ZSWIM5: variants seen among roughly 807,000 people sequenced by gnomAD.
ZSWIM5 encodes zinc finger SWIM-type containing 5.
ZSWIM5 carries 55 observed loss-of-function variants against 119.6 expected under a neutral mutation model. The ratio of observed to expected loss-of-function variants is 0.46; its 90% CI spans 0.37 to 0.58. The LOEUF (loss-of-function observed/expected upper bound fraction) is 0.58. ZSWIM5 is among the 20% of genes least tolerant of loss of function. The pLI, the probability that ZSWIM5 is intolerant of heterozygous loss-of-function variation, is 0.00. For missense variants in ZSWIM5, 1,193 were observed against 1,512.8 expected (o/e 0.79, Z 3.51); for synonymous variants, 537 against 606.9 (o/e 0.88, Z 1.69).
rs889418087 is a variant in ZSWIM5 at position 45,195,873 on chromosome 1, C to CT, written c.595+9882dup. On this transcript the variant is annotated intron_variant, in intron 1 of 13. Coordinates refer to ENST00000359600, the MANE Select transcript of ZSWIM5 (RefSeq NM_020883.2). ...AATAAAGGTGTTAATTTTTCTTTTTCTTTTTTTTTTTTTTAGACAGGTCTC... is the reference window on the plus strand; with the variant it reads ...AATAAAGGTGTTAATTTTTCTTTTTCTTTTTTTTTTTTTTTAGACAGGTCTC... 5.2e-3 allele frequency among the ~76,000 whole-genome samples: 727 copies of CT among 138,534 alleles called. 2 individuals are homozygous for CT. The highest frequency in any genetic ancestry group is 6.8e-3 in the Admixed American group (94 of 13,864). The allele number at this position is 138,534 out of a possible 152,430, so 90.9% of individuals were successfully genotyped here.
rs571806500 is a variant in ZSWIM5, at chr1:45,173,021, C to T, written c.595+32735G>A. Among the ~76,000 whole-genome samples the T allele has an allele frequency of 1.2e-4, 18 of 151,980 alleles. No homozygotes were observed. In the South Asian group the frequency reaches 1.5e-3, roughly 12 times the overall value. On this transcript the variant is annotated intron_variant, in intron 1 of 13. Transcript: ENST00000359600. Reference sequence around the variant, plus strand: ...TCTACAAAAAATAAAAAAAATTAGCCGGGCATGGTGGTGTGTGCCTGTGGT... The same window carrying T: ...TCTACAAAAAATAAAAAAAATTAGCTGGGCATGGTGGTGTGTGCCTGTGGT...
At chr1:45,021,413 C>A (rs1644887246) in intron 11 of ZSWIM5, among the ~76,000 whole-genome samples, 1 of 152,188 alleles carries the variant, frequency 6.6e-6, no homozygotes, top group Non-Finnish European at 1.5e-5. Flanking sequence ...CTGTCTGCTT[C>A]TCACTACAGC....
chr1:45,160,822 ATT>A (rs36092606), intron 1 of ZSWIM5, among the ~76,000 whole-genome samples: 15 of 126,960 alleles, frequency 1.2e-4, no homozygotes, highest in Admixed American at 2.5e-4. Context: ...TGCCTGGGTA[ATT>A]TTTTTTTTTT....
At chr1:45,041,578 C>T (rs1161318967) in intron 6 of ZSWIM5, among the ~76,000 whole-genome samples, 1 of 148,324 alleles carries the variant, frequency 6.7e-6, no homozygotes, top group Non-Finnish European at 1.5e-5. Context: ...ACTCTGTCAC[C>T]CAGACTGGAG....
intron 2 of ZSWIM5, among the ~76,000 whole-genome samples, chr1:45,061,433 C>T (rs1041681515): frequency 6.6e-6 from 1 of 150,622 alleles, no homozygotes; most frequent in Non-Finnish European, 1.5e-5. Context: ...TGCAGTGGCA[C>T]GATCTCGGCT....
intron 1 of ZSWIM5, among the ~76,000 whole-genome samples, chr1:45,162,368 C>T (rs993296149): frequency 2.6e-5 from 4 of 152,068 alleles, no homozygotes; most frequent in East Asian, 1.9e-4. Context: ...CCAAGATGGC[C>T]GAATAGGAAC....
In ZSWIM5 at chr1:45,197,057, C is replaced by T. The variant is rs186229331; in HGVS notation, c.595+8699G>A. The stretch of plus-strand genomic sequence containing the variant: ...GCCCAAAACAACCAATAGGCTGTGG[C>T]TTGCATCAACCAATCAGAACTCAGC... On this transcript the variant is annotated intron_variant, in intron 1 of 13. Coordinates refer to ENST00000359600, the MANE Select transcript of ZSWIM5 (RefSeq NM_020883.2). Among the ~76,000 whole-genome samples, 16 of 152,334 alleles carry T rather than the reference C, an allele frequency of 1.1e-4. No individual in the cohort carries two copies. In the East Asian group the frequency reaches 2.7e-3, roughly 26 times the overall value.
Position 45,071,600 on chromosome 1 carries a change from T to C in ZSWIM5, c.953-11353A>G, listed in dbSNP as rs544393838. 1.1e-4 allele frequency among the ~76,000 whole-genome samples: 17 copies of C among 151,788 alleles called. No homozygotes were observed. The East Asian group carries it at 3.3e-3, about 30-fold the overall frequency. ...CCTCCCCAGTAGTTGAGACTACAGG[T>C]GCATGCCACCAACATCTGGCTACTT... On this transcript the variant is annotated intron_variant, in intron 2 of 13. Transcript: ENST00000359600.
intron 1 of ZSWIM5, among the ~76,000 whole-genome samples, chr1:45,194,459 G>GA (rs1646110373): frequency 6.6e-6 from 1 of 152,054 alleles, no homozygotes; most frequent in African/African-American, 2.4e-5. Flanking sequence ...TTTACTCTCA[G>GA]AAAAAAGGAT....
rs770474306 is a variant in ZSWIM5 at position 45,206,223 on chromosome 1, C to A, written c.128G>T (p.Gly43Val). Reference protein sequence around the residue: ...PRGSPGAAGGGAGGVGSSCLV... With the variant: ...PRGSPGAAGGVAGGVGSSCLV... ...GCAGCTGCTGCCGACGCCCCCTGCC[C>A]CTCCGCCGGCTGCCCCAGGCGAACC... Residue 43 changes from glycine (G) to valine (V), a missense_variant, in exon 1 of 14, where the codon GGG becomes GTG. Physicochemically the swap from Gly to Val is moderately radical, Grantham distance 109 (BLOSUM62 -3). Transcript: ENST00000359600. The A allele has an allele frequency of 4.4e-6, 7 of 1,585,868 alleles. No homozygotes were observed.
chr1:45,092,774 TTGAC>T (rs1189838133), intron 1 of ZSWIM5, among the ~76,000 whole-genome samples: 2 of 152,230 alleles, frequency 1.3e-5, no homozygotes, highest in Admixed American at 6.5e-5. Flanking sequence ...CCTCATACAA[TTGAC>T]TGAAAAGTCT....
chr1:45,088,348 C>T lies in ZSWIM5; in HGVS notation c.596-111G>A. On this transcript the variant is annotated intron_variant, in intron 1 of 13. Coordinates refer to ENST00000359600, the MANE Select transcript of ZSWIM5 (RefSeq NM_020883.2). The surrounding 1 kb of genome is among the most constrained non-coding windows in gnomAD (Gnocchi z 4.2). Reference sequence around the variant, plus strand: ...TAAATTATGTATTGGGTATCTCCTACACACGTACATGATAGGCTTTGCCAC... The same window carrying T: ...TAAATTATGTATTGGGTATCTCCTATACACGTACATGATAGGCTTTGCCAC... 1 of 753,650 alleles carries T rather than the reference C, an allele frequency of 1.3e-6. No homozygotes were observed. 46.7% of individuals were successfully genotyped at this position (753,650 alleles called of 1,614,324 possible).
In ZSWIM5 at chr1:45,082,227, A is replaced by C. The variant is rs1259683021; in HGVS notation, c.952+5654T>G. 2.0e-5 allele frequency among the ~76,000 whole-genome samples: 3 copies of C among 150,744 alleles called. 1 individual carries two copies. The South Asian group carries it at 6.3e-4, about 32-fold the overall frequency. On this transcript the variant is annotated intron_variant, in intron 2 of 13. Coordinates refer to ENST00000359600, the MANE Select transcript of ZSWIM5 (RefSeq NM_020883.2). ...GGTCCTCTGCCTAGGAAAACCAGAG[A>C]CCTTTGTTCACTTGTTTATCTGCTG...
At chr1:45,021,448 C>T (rs993436236) in intron 11 of ZSWIM5, among the ~76,000 whole-genome samples, 2 of 152,154 alleles carry the variant, frequency 1.3e-5, no homozygotes, top group Non-Finnish European at 2.9e-5. Flanking sequence ...AGGAGCGGGG[C>T]CACCACTTCT....
chr1:45,034,311 C>A lies in ZSWIM5; in HGVS notation c.2449+1G>T. The stretch of plus-strand genomic sequence containing the variant: ...GGAGCTTAAGGTCTATCTATGCTCA[C>A]CTTTGGCAGCAGTCAGCATGGTGGA... On this transcript the variant is annotated splice_donor_variant, in intron 11 of 13. Transcript: ENST00000359600. LOFTEE classifies it high-confidence loss of function. 6.2e-7 allele frequency: 1 copy of A among 1,601,408 alleles called. No homozygotes were observed. Among genetic ancestry groups the A allele is most frequent in the Non-Finnish European group, 8.5e-7 (1 of 1,173,880 alleles).
At chr1:45,070,270 C>T (rs1056839233) in intron 2 of ZSWIM5, 5 of 1,464,890 alleles carry the variant, frequency 3.4e-6, no homozygotes, top group Non-Finnish European at 4.8e-6. Context: ...GGAGGTTCAA[C>T]AATAACATCA....
intron 1 of ZSWIM5, among the ~76,000 whole-genome samples, chr1:45,091,677 A>G (rs572479836): frequency 6.6e-6 from 1 of 152,060 alleles, no homozygotes; most frequent in Non-Finnish European, 1.5e-5. Context: ...AAAAACAAAC[A>G]AACAAAAAAC....
intron 1 of ZSWIM5, among the ~76,000 whole-genome samples, chr1:45,194,537 A>C (rs1379134146): frequency 6.6e-6 from 1 of 152,160 alleles, no homozygotes; most frequent in Non-Finnish European, 1.5e-5. Flanking sequence ...ACTATGCACC[A>C]AAGTATTACG....
intron 1 of ZSWIM5, among the ~76,000 whole-genome samples, chr1:45,139,962 T>C (rs1257724345): frequency 6.6e-6 from 1 of 152,162 alleles, no homozygotes; most frequent in Non-Finnish European, 1.5e-5. Context: ...TTCAAATGAC[T>C]TCATTTATTA....
Sources: gnomAD v4.1 joint callset for allele counts (sites outside exome capture counted in the v4.1 genomes callset) on GRCh38, gnomAD v4.1.1 for gene constraint, Gnocchi (gnomAD v3.1) non-coding constraint, MANE v1.5 for transcripts, NCBI Gene and HGNC (gene_info 2026-07-23, HGNC 2026-07-21) for gene names.